CEP85L: variants seen among roughly 807,000 people sequenced by gnomAD.
CEP85L encodes the protein centrosomal protein 85L.
A neutral mutation model predicts 100.3 loss-of-function variants in CEP85L; 60 were observed. That is an observed-to-expected ratio of 0.60 (90% CI 0.49 to 0.74). The LOEUF (loss-of-function observed/expected upper bound fraction) is 0.74. CEP85L is among the 30% of genes least tolerant of loss of function. CEP85L has a pLI of 0.00. For missense variants in CEP85L, 973 were observed against 936.2 expected (o/e 1.04, Z -0.51); for synonymous variants, 319 against 322.7 (o/e 0.99, Z 0.12).
chr6:118,595,411 C>T (rs545142337), intron 2 of CEP85L, among the ~76,000 whole-genome samples: 18 of 152,300 alleles, frequency 1.2e-4, no homozygotes, highest in Admixed American at 3.9e-4. Context: ...CCTGGCTAAA[C>T]GAAAATTCCT....
At chr6:118,682,229 T>A (rs1776688621) in intron 1 of CEP85L, among the ~76,000 whole-genome samples, 1 of 152,234 alleles carries the variant, frequency 6.6e-6, no homozygotes, top group Admixed American at 6.5e-5. Context: ...TTTAAAATTA[T>A]TAGTCTTAGA....
At position 118,565,943 on chromosome 6, in the gene CEP85L, G is replaced by A. The variant is rs372683724; in HGVS notation, c.606C>T (p.Ser202=). Residue 202 remains serine, a synonymous_variant, in exon 3 of 13, where the codon AGC becomes AGT. Coordinates refer to ENST00000368491, the MANE Select transcript of CEP85L (RefSeq NM_001042475.3). ...LTSQLRTIGP[S]CLHDSMEMLR... is the part of the protein sequence containing the mutation. ...GCATCTCCATACTATCATGTAAACA[G>A]CTAGGCCCAATTGTCCTCAGTTGTG... 1.9e-5 allele frequency: 31 copies of A among 1,614,132 alleles called. 1 individual carries two copies. In the African/African-American group the frequency reaches 2.0e-4, roughly 10 times the overall value.
chr6:118,619,302 T>C (rs1380034296), intron 2 of CEP85L, among the ~76,000 whole-genome samples: 3 of 152,106 alleles, frequency 2.0e-5, no homozygotes, highest in Non-Finnish European at 4.4e-5. Context: ...CCTTACAAAA[T>C]GGAGAAACTT....
rs1023960006 is a variant in CEP85L, at chr6:118,643,393, T to C, written c.73+7804A>G. Among the ~76,000 whole-genome samples the C allele has an allele frequency of 1.3e-4, 20 of 152,210 alleles. No individual in the cohort carries two copies. In the South Asian group the frequency reaches 2.7e-3, roughly 20 times the overall value. ...AATGTAATCAACTGGTAGAAAATGC[T>C]AAACTACATGAAACATAGTCCAAAT... On this transcript the variant is annotated intron_variant, in intron 1 of 12. Transcript: ENST00000368491.
rs1184386655 is a variant in CEP85L, at chr6:118,462,997, C to T, written c.*2408G>A. 1 of 151,684 alleles carries T rather than the reference C, an allele frequency of 6.6e-6. No individual in the cohort carries two copies. Among genetic ancestry groups the T allele is most frequent in the East Asian group, 1.9e-4 (1 of 5,194 alleles). 9.4% of individuals were successfully genotyped at this position (151,684 alleles called of 1,614,324 possible). ...TAATTCAGCTAACTACTTAAACTAGCACATCTTAACTCCCTTTTTTATGGG... is the reference window on the plus strand; with the variant it reads ...TAATTCAGCTAACTACTTAAACTAGTACATCTTAACTCCCTTTTTTATGGG... On this transcript the variant is annotated 3_prime_UTR_variant, in exon 13 of 13. Coordinates refer to ENST00000368491, the MANE Select transcript of CEP85L (RefSeq NM_001042475.3).
At chr6:118,566,851 C>T (rs1432214262) in intron 2 of CEP85L, among the ~76,000 whole-genome samples, 3 of 152,144 alleles carry the variant, frequency 2.0e-5, no homozygotes, top group African/African-American at 4.8e-5. Context: ...GGCCTTTCAC[C>T]ATCTACTGTA....
intron 2 of CEP85L, among the ~76,000 whole-genome samples, chr6:118,609,841 T>C (rs932717717): frequency 1.3e-5 from 2 of 151,816 alleles, no homozygotes; most frequent in African/African-American, 2.4e-5. Context: ...TTCAACAAAA[T>C]TGAACACCCA....
intron 3 of CEP85L, 75 bp downstream of exon 3, chr6:118,565,454 T>C: frequency 3.7e-6 from 5 of 1,356,980 alleles, no homozygotes; most frequent in Middle Eastern, 1.8e-4. Context: ...ACACTTGTTA[T>C]ATGCTTACTG....
intron 3 of CEP85L, among the ~76,000 whole-genome samples, chr6:118,524,480 T>G (rs1249780270): frequency 2.0e-5 from 3 of 152,146 alleles, no homozygotes; most frequent in Non-Finnish European, 2.9e-5. Context: ...TATAAGATCT[T>G]ATTCCCATTA....
At chr6:118,595,698 A>G (rs1372358888) in intron 2 of CEP85L, among the ~76,000 whole-genome samples, 1 of 152,224 alleles carries the variant, frequency 6.6e-6, no homozygotes, top group African/African-American at 2.4e-5. Context: ...ATTATAAGGT[A>G]TATTTGTCAA....
At chr6:118,558,652 CACACACACAG>C (rs1352320282) in intron 3 of CEP85L, among the ~76,000 whole-genome samples, 15 of 132,986 alleles carry the variant, frequency 1.1e-4, no homozygotes, top group African/African-American at 2.6e-4. Context: ...CACACACACA[CACACACACAG>C]AGAGAGAGAG....
chr6:118,498,304 G>A (rs9489416), intron 5 of CEP85L, among the ~76,000 whole-genome samples: 25,134 of 151,996 alleles, frequency 0.17, 2,223 homozygotes, highest in Non-Finnish European at 0.19. Flanking sequence ...GACCAGCCTA[G>A]GCAACATAGT....
rs1386498773 is a variant in CEP85L, at chr6:118,504,350, C to T, written c.1257+6948G>A. Among the ~76,000 whole-genome samples the T allele has an allele frequency of 3.3e-5, 5 of 151,088 alleles. No individual in the cohort carries two copies. In the East Asian group the frequency reaches 5.8e-4, roughly 18 times the overall value. ...AAACCGCATCACTGCACTCCAGCCT[C>T]GGCAACAGAGGGAGACTCTGTCTCA... On this transcript the variant is annotated intron_variant, in intron 5 of 12. Coordinates refer to ENST00000368491, the MANE Select transcript of CEP85L (RefSeq NM_001042475.3).
Position 118,647,869 on chromosome 6 carries a change from C to T in CEP85L, c.73+3328G>A, listed in dbSNP as rs563428171. Among the ~76,000 whole-genome samples the T allele has an allele frequency of 9.2e-4, 140 of 152,202 alleles. 2 individuals are homozygous for T. Among genetic ancestry groups the T allele is most frequent in the African/African-American group, 3.3e-3 (138 of 41,536 alleles). On this transcript the variant is annotated intron_variant, in intron 1 of 12. Transcript: ENST00000368491. ...ATCAACCAAATGCATAAAAAGATAC[C>T]AATTGTTCTATTTTAAATTAGCCTT...
chr6:118,589,716 G>A (rs758922564), intron 2 of CEP85L: 8 of 253,674 alleles, frequency 3.2e-5, no homozygotes, highest in Non-Finnish European at 5.4e-5. Flanking sequence ...GCATGGCTGC[G>A]AACCCCTCAT....
At position 118,627,746 on chromosome 6, in the gene CEP85L, G is replaced by C. The variant is rs1266531471; in HGVS notation, c.232+4707C>G. Among the ~76,000 whole-genome samples the C allele has an allele frequency of 2.6e-5, 4 of 152,246 alleles. No homozygotes were observed. The East Asian group carries it at 7.7e-4, about 29-fold the overall frequency. ...GACTCCAGAAAAGGGAAGATAAAAG[G>C]GTCCATTTTGAAATATACCAGAACA... On this transcript the variant is annotated intron_variant, in intron 2 of 12. Coordinates refer to ENST00000368491, the MANE Select transcript of CEP85L (RefSeq NM_001042475.3).
At chr6:118,690,294 T>C (rs1271321494) in intron 1 of CEP85L, among the ~76,000 whole-genome samples, 2 of 152,234 alleles carry the variant, frequency 1.3e-5, no homozygotes, top group East Asian at 3.9e-4. Context: ...CATGTCTAAC[T>C]ATAACTCTAA....
At chr6:118,465,860 G>A (rs1192451322) in intron 12 of CEP85L, among the ~76,000 whole-genome samples, 1 of 152,128 alleles carries the variant, frequency 6.6e-6, no homozygotes, top group African/African-American at 2.4e-5. Flanking sequence ...ATACTCTAAT[G>A]TCTCTCTTCA....
intron 2 of CEP85L, among the ~76,000 whole-genome samples, chr6:118,590,324 A>T (rs917297153): frequency 1.3e-5 from 2 of 152,184 alleles, no homozygotes; most frequent in Non-Finnish European, 2.9e-5. Context: ...GCCTAGCAGA[A>T]AAACAGCTTG....
Sources: gnomAD v4.1 joint callset for allele counts (sites outside exome capture counted in the v4.1 genomes callset) on GRCh38, gnomAD v4.1.1 for gene constraint, MANE v1.5 for transcripts, NCBI Gene and HGNC (gene_info 2026-07-23, HGNC 2026-07-21) for gene names.